Variants in ARHGEF18 observed in about 807,000 individuals in gnomAD.
ARHGEF18 encodes the protein Rho/Rac guanine nucleotide exchange factor 18.
ARHGEF18 carries 93 observed loss-of-function variants against 155.7 expected under a neutral mutation model. The ratio of observed to expected loss-of-function variants is 0.60; its 90% CI spans 0.50 to 0.71. The LOEUF is 0.71. Among genes scored for constraint, ARHGEF18 ranks in the 30% least tolerant of loss-of-function variants. The pLI is 0.00. For synonymous variants in ARHGEF18, 742 were observed against 753.1 expected (o/e 0.99, Z 0.24); for missense variants, 1,593 against 1,816.1 (o/e 0.88, Z 2.23).
chr19:7,420,878 T>C (rs955436901), intron 10 of ARHGEF18, among the ~76,000 whole-genome samples: 6 of 152,246 alleles, frequency 3.9e-5, no homozygotes, highest in Non-Finnish European at 7.3e-5. Context: ...CTCTGTCTGC[T>C]GTGCTGGTTC....
At position 7,361,990 on chromosome 19, in the gene ARHGEF18, TGGAAGAAGA is replaced by T. The variant is rs1397551168; in HGVS notation, c.-110-790_-110-782del. Among the ~76,000 whole-genome samples the T allele has an allele frequency of 2.3e-3, 255 of 111,050 alleles. 44 individuals carry two copies. The highest frequency in any genetic ancestry group is 0.011 in the African/African-American group (237 of 21,338). 72.9% of individuals were successfully genotyped at this position (111,050 alleles called of 152,430 possible). ...TTGGGGGCAACAGAGCAAGACTCTG[TGGAAGAAGA>T]AGAAGAAGAAGAAGAAGGAGAAGGA... On this transcript the variant is annotated intron_variant, in intron 1 of 28. Coordinates refer to ENST00000668164, the MANE Select transcript of ARHGEF18 (RefSeq NM_001367823.1).
intron 10 of ARHGEF18, among the ~76,000 whole-genome samples, chr19:7,433,354 C>G (rs911448440): frequency 6.6e-6 from 1 of 151,674 alleles, no homozygotes; most frequent in Non-Finnish European, 1.5e-5. Flanking sequence ...GTAGTCCCAG[C>G]TACTCGGGAG....
At chr19:7,473,775 A>C (rs1047860840), downstream of ARHGEF18, among the ~76,000 whole-genome samples, 10 of 142,496 alleles carry the variant, frequency 7.0e-5, no homozygotes, top group Non-Finnish European at 1.3e-4. Flanking sequence ...GCGCCACTGC[A>C]CTCAGCCTAG....
chr19:7,415,361 G>A (rs1056664258), intron 10 of ARHGEF18, among the ~76,000 whole-genome samples: 1 of 151,902 alleles, frequency 6.6e-6, no homozygotes, highest in African/African-American at 2.4e-5. Flanking sequence ...CCACTTCATG[G>A]CCCCTGCACC....
At chr19:7,403,948 C>G (rs191622878) in intron 10 of ARHGEF18, among the ~76,000 whole-genome samples, 20 of 148,472 alleles carry the variant, frequency 1.3e-4, no homozygotes, top group Non-Finnish European at 2.5e-4. Context: ...GCCTGTAATC[C>G]CAGCTACTGA....
At chr19:7,364,995 G>A (rs1007468744) in intron 2 of ARHGEF18, among the ~76,000 whole-genome samples, 4 of 152,164 alleles carry the variant, frequency 2.6e-5, no homozygotes, top group Non-Finnish European at 5.9e-5. Flanking sequence ...CCACAGCCTC[G>A]GAGGATCTGA....
chr19:7,399,603 A>C (rs1389314457), intron 10 of ARHGEF18, among the ~76,000 whole-genome samples: 2 of 150,634 alleles, frequency 1.3e-5, no homozygotes, highest in Non-Finnish European at 3.0e-5. Context: ...GCCTCAGCCT[A>C]CCGAGTAGCT....
chr19:7,417,052 G>A (rs1973068923), intron 10 of ARHGEF18, among the ~76,000 whole-genome samples: 1 of 152,060 alleles, frequency 6.6e-6, no homozygotes, highest in Admixed American at 6.6e-5. Context: ...TGGGATTACA[G>A]GCACGCACCA....
intron 10 of ARHGEF18, among the ~76,000 whole-genome samples, chr19:7,434,208 C>T (rs1459529184): frequency 3.3e-5 from 5 of 151,856 alleles, no homozygotes; most frequent in African/African-American, 4.8e-5. Context: ...AGGCTGGTCT[C>T]GAACACCTAG....
chr19:7,425,548 G>A (rs1973610739), intron 10 of ARHGEF18, among the ~76,000 whole-genome samples: 1 of 151,936 alleles, frequency 6.6e-6, no homozygotes, highest in Non-Finnish European at 1.5e-5. Flanking sequence ...CAGGCATGGT[G>A]GCGGGTGCCT....
At chr19:7,380,865 G>A (rs1970701227) in intron 7 of ARHGEF18, 52 bp from the exon 8 acceptor site, 2 of 1,168,624 alleles carry the variant, frequency 1.7e-6, no homozygotes, top group Admixed American at 4.2e-5. Flanking sequence ...TGGGGTAGGT[G>A]AGTGGGAGAA....
chr19:7,374,755 G>A (rs1970355010), intron 3 of ARHGEF18, among the ~76,000 whole-genome samples: 1 of 152,098 alleles, frequency 6.6e-6, no homozygotes, highest in Non-Finnish European at 1.5e-5. Context: ...CACACCTGCT[G>A]AGAGTACGGC....
intron 15 of ARHGEF18, among the ~76,000 whole-genome samples, 162 bp from the exon 16 acceptor site, chr19:7,450,987 G>GTTAATATGGGATCTTGCTGTC (rs1975402158): frequency 1.1e-3 from 1 of 930 alleles, no homozygotes; most frequent in East Asian, 0.042. Flanking sequence ...AGATGTTAAT[G>GTTAATATGGGATCTTGCTGTC]CAGGATCTTG....
chr19:7,399,146 AG>A (rs1465343545), intron 10 of ARHGEF18, among the ~76,000 whole-genome samples: 11 of 152,268 alleles, frequency 7.2e-5, no homozygotes, highest in Non-Finnish European at 1.3e-4. Context: ...TTTCCCCCTG[AG>A]ACGGTCAAGA....
At position 7,444,154 on chromosome 19, in the gene ARHGEF18, C is replaced by A. The variant is rs202237126; in HGVS notation, c.1361-50C>A. On this transcript the variant is annotated intron_variant, in intron 13 of 28. Coordinates refer to ENST00000668164, the MANE Select transcript of ARHGEF18 (RefSeq NM_001367823.1). This position sits in a 1 kb window ranked among gnomAD's most constrained non-coding sequence, Gnocchi z 4.7. The stretch of plus-strand genomic sequence containing the variant: ...GCAGGCAGCACCCACGACTGCCCAG[C>A]GGGGCCGTGGAGCCAGCATGGCTAA... 2.4e-5 allele frequency: 39 copies of A among 1,594,380 alleles called. No individual in the cohort carries two copies. Among genetic ancestry groups the A allele is most frequent in the Non-Finnish European group, 3.3e-5 (38 of 1,167,698 alleles).
At position 7,470,229 on chromosome 19, in the gene ARHGEF18, C is replaced by T; in HGVS notation, c.4017C>T (p.Pro1339=). 6.2e-7 allele frequency: 1 copy of T among 1,609,026 alleles called. No homozygotes were observed. Among genetic ancestry groups the T allele is most frequent in the Non-Finnish European group, 8.5e-7 (1 of 1,178,410 alleles). The change falls in exon 29 of 29, where the codon CCC becomes CCT. Residue 1339 remains proline (P), a synonymous_variant. Transcript: ENST00000668164. This position sits in a 1 kb window ranked among gnomAD's most constrained non-coding sequence, Gnocchi z 5.9. ...GTALLPGPPA[P]SPLPATPLSA... ...CCCTCCTGCCCGGGCCCCCAGCTCC[C>T]TCGCCACTGCCGGCCACACCACTCA...
At chr19:7,442,760 C>T (rs1472264279) in intron 13 of ARHGEF18, among the ~76,000 whole-genome samples, 3 of 152,230 alleles carry the variant, frequency 2.0e-5, no homozygotes, top group African/African-American at 4.8e-5. Flanking sequence ...TTATTGCTTA[C>T]AGTTCTAGAG....
chr19:7,452,911 C>G (rs956302148), intron 16 of ARHGEF18, among the ~76,000 whole-genome samples: 34 of 151,962 alleles, frequency 2.2e-4, no homozygotes, highest in African/African-American at 8.0e-4. Flanking sequence ...AAATTCAGCT[C>G]TGGGCCAGGC....
intron 11 of ARHGEF18, 91 bp from the exon 12 acceptor site, chr19:7,441,562 C>G: frequency 2.2e-6 from 2 of 907,780 alleles, no homozygotes; most frequent in South Asian, 2.8e-5. Flanking sequence ...AGTATCGAAT[C>G]GGATGGAGTC....
Sources: gnomAD v4.1 joint callset for allele counts (sites outside exome capture counted in the v4.1 genomes callset) on GRCh38, gnomAD v4.1.1 for gene constraint, Gnocchi (gnomAD v3.1) non-coding constraint, MANE v1.5 for transcripts, NCBI Gene and HGNC (gene_info 2026-07-23, HGNC 2026-07-21) for gene names.